Variants in FSTL1 observed in about 807,000 individuals in gnomAD.
The protein encoded by FSTL1 is follistatin-related protein 1.
FSTL1 carries 24 observed loss-of-function variants against 45.9 expected under a neutral mutation model. The ratio of observed to expected loss-of-function variants is 0.52; its 90% CI spans 0.38 to 0.74. The LOEUF is 0.74. FSTL1 is among the 30% of genes least tolerant of loss of function. The pLI, the probability that FSTL1 is intolerant of heterozygous loss-of-function variation, is 0.00. For synonymous variants in FSTL1, 120 were observed against 137.6 expected (o/e 0.87, Z 0.89); for missense variants, 340 against 381.8 (o/e 0.89, Z 0.91).
intron 3 of FSTL1, among the ~76,000 whole-genome samples, chr3:120,412,334 T>C (rs1937073719): frequency 6.6e-6 from 1 of 152,200 alleles, no homozygotes; most frequent in Non-Finnish European, 1.5e-5. Context: ...TAGGAGGTGA[T>C]TAGGTCATGA....
intron 3 of FSTL1, among the ~76,000 whole-genome samples, chr3:120,412,285 C>T (rs1451486872): frequency 6.6e-6 from 1 of 152,234 alleles, no homozygotes; most frequent in Non-Finnish European, 1.5e-5. Flanking sequence ...CATGTTGATA[C>T]TTAATCCACA....
intron 2 of FSTL1, among the ~76,000 whole-genome samples, chr3:120,442,568 G>C (rs1937644876): frequency 6.6e-6 from 1 of 151,924 alleles, no homozygotes; most frequent in Non-Finnish European, 1.5e-5. Flanking sequence ...TCACTTGAGG[G>C]TGGGAGTTCC....
At chr3:120,426,836 A>G (rs1937390763) in intron 2 of FSTL1, among the ~76,000 whole-genome samples, 1 of 152,120 alleles carries the variant, frequency 6.6e-6, no homozygotes, top group Admixed American at 6.5e-5. Flanking sequence ...TTCATTGTTC[A>G]TGTAGCCTCG....
At chr3:120,447,425 C>T (rs1051368809) in intron 2 of FSTL1, among the ~76,000 whole-genome samples, 6 of 152,114 alleles carry the variant, frequency 3.9e-5, no homozygotes, top group African/African-American at 1.4e-4. Flanking sequence ...ATGCTACACC[C>T]AGTACCTTCT....
chr3:120,402,419 G>T (rs1263626913), intron 9 of FSTL1, among the ~76,000 whole-genome samples: 3 of 151,472 alleles, frequency 2.0e-5, no homozygotes, highest in Admixed American at 2.0e-4. Context: ...TATTATTTTT[G>T]ATTATTATTA....
At chr3:120,430,738 G>A (rs1187140577) in intron 2 of FSTL1, among the ~76,000 whole-genome samples, 2 of 152,182 alleles carry the variant, frequency 1.3e-5, no homozygotes, top group African/African-American at 4.8e-5. Context: ...CAAACATCAT[G>A]CCAAGTGCCA....
At chr3:120,412,726 T>C (rs1014343670) in intron 3 of FSTL1, among the ~76,000 whole-genome samples, 2 of 151,966 alleles carry the variant, frequency 1.3e-5, no homozygotes, top group African/African-American at 4.8e-5. Flanking sequence ...TAAGATCCCT[T>C]AATATTCCAA....
intron 1 of FSTL1, 48 bp downstream of exon 1, chr3:120,450,849 C>T (rs967638931): frequency 9.0e-6 from 7 of 774,872 alleles, no homozygotes; most frequent in African/African-American, 3.7e-5. Flanking sequence ...CCAAGCACCC[C>T]CGGCCGCCCG....
intron 3 of FSTL1, among the ~76,000 whole-genome samples, chr3:120,415,371 G>A (rs1438699525): frequency 6.6e-6 from 1 of 152,196 alleles, no homozygotes; most frequent in Non-Finnish European, 1.5e-5. Context: ...TAAACATTAT[G>A]CCACTACAAT....
chr3:120,438,880 A>T (rs1015620021), intron 2 of FSTL1, among the ~76,000 whole-genome samples: 4 of 152,044 alleles, frequency 2.6e-5, no homozygotes, highest in Non-Finnish European at 5.9e-5. Context: ...TGCTATCTTC[A>T]CTCTGAACCT....
chr3:120,411,116 CT>C, intron 4 of FSTL1, 132 bp from the exon 5 acceptor site: 1 of 618,664 alleles, frequency 1.6e-6, no homozygotes, highest in Non-Finnish European at 2.9e-6. Context: ...GTCTTGAATC[CT>C]TTCCCTTCCT....
At chr3:120,410,750 C>T (rs748198615) in intron 5 of FSTL1, 4 of 679,168 alleles carry the variant, frequency 5.9e-6, no homozygotes, top group South Asian at 4.5e-5. Flanking sequence ...TCTGACCCAA[C>T]CAGCTGCTTC....
At chr3:120,446,280 C>G (rs1036980557) in intron 2 of FSTL1, among the ~76,000 whole-genome samples, 2 of 152,194 alleles carry the variant, frequency 1.3e-5, no homozygotes, top group Admixed American at 1.3e-4. Context: ...TGGGGCATTT[C>G]CTCTCGGATC....
intron 6 of FSTL1, among the ~76,000 whole-genome samples, chr3:120,406,745 T>C (rs1050465912): frequency 1.3e-5 from 2 of 152,220 alleles, no homozygotes; most frequent in Admixed American, 6.5e-5. Context: ...ACCTAATTTA[T>C]TGAGCCTCTC....
chr3:120,434,046 T>C (rs1416286402), intron 2 of FSTL1, among the ~76,000 whole-genome samples: 1 of 152,174 alleles, frequency 6.6e-6, no homozygotes, highest in Non-Finnish European at 1.5e-5. Flanking sequence ...CAAAGATTAC[T>C]CAGGCTGTCC....
chr3:120,398,687 C>G (rs1936756293), intron 10 of FSTL1, among the ~76,000 whole-genome samples: 1 of 152,228 alleles, frequency 6.6e-6, no homozygotes, highest in Admixed American at 6.5e-5. Flanking sequence ...GGCATTGCTT[C>G]CCAAATAAAC....
intron 2 of FSTL1, among the ~76,000 whole-genome samples, chr3:120,437,668 C>A (rs886927331): frequency 6.6e-6 from 1 of 152,072 alleles, no homozygotes; most frequent in African/African-American, 2.4e-5. Context: ...TGGGGCACAG[C>A]AAAATTTAAT....
rs369259187 is a variant in FSTL1 at position 120,409,627 on chromosome 3, G to T, written c.367C>A (p.Arg123Ser). The T allele has an allele frequency of 1.2e-6, 2 of 1,613,784 alleles. No individual in the cohort carries two copies. Among genetic ancestry groups the T allele is most frequent in the Admixed American group, 1.7e-5 (1 of 60,002 alleles). The change falls in exon 6 of 11, where the codon CGT (arginine) becomes AGT (serine). Residue 123 changes from arginine (R) to serine (S), a missense_variant. By Grantham distance (110) the Arg-to-Ser change is moderately radical. Transcript: ENST00000295633. ...CYQSNRDELR[R>S]RIIQWLEAEI... ...GCTTCCAGCCACTGGATGATGCGAC[G>T]TCGGAGCTCATCACGGTTGGACTGA... is the stretch of plus-strand genomic sequence containing the variant.
intron 3 of FSTL1, among the ~76,000 whole-genome samples, chr3:120,413,559 C>T (rs940713695): frequency 6.6e-6 from 1 of 152,050 alleles, no homozygotes; most frequent in Non-Finnish European, 1.5e-5. Flanking sequence ...TAGAAAACTT[C>T]CTTTCTGGGG....
Sources: gnomAD v4.1 joint callset for allele counts (sites outside exome capture counted in the v4.1 genomes callset) on GRCh38, gnomAD v4.1.1 for gene constraint, MANE v1.5 for transcripts, NCBI Gene and HGNC (gene_info 2026-07-23, HGNC 2026-07-21) for gene names.